The following CNTN4 variants were observed in gnomAD, a reference collection of about 807,000 sequenced individuals.
CNTN4 encodes the protein contactin-4.
CNTN4 carries 77 observed loss-of-function variants against 122.5 expected under a neutral mutation model. That is an observed-to-expected ratio of 0.63 (90% CI 0.52 to 0.76). The LOEUF is 0.76. Ranked by LOEUF, CNTN4 falls within the 30% of genes least tolerant of loss-of-function variation. The probability of loss-of-function intolerance (pLI) is 0.00; values close to 1 mark genes in which losing one functional copy is unlikely to be tolerated. For missense variants in CNTN4, 1,256 were observed against 1,259.1 expected (o/e 1.00, Z 0.04); for synonymous variants, 512 against 447.0 (o/e 1.15, Z -1.83).
chr3:2,544,259 A>C (rs2078150076), intron 3 of CNTN4, among the ~76,000 whole-genome samples: 1 of 152,096 alleles, frequency 6.6e-6, no homozygotes, highest in African/African-American at 2.4e-5. Context: ...TGATGGAGAC[A>C]CGCTCCTCAG....
intron 2 of CNTN4, among the ~76,000 whole-genome samples, chr3:2,170,269 G>C (rs188623536): frequency 1.3e-5 from 2 of 151,796 alleles, no homozygotes; most frequent in Admixed American, 6.6e-5. Context: ...GCAGTGAGCC[G>C]AGATCGCGCC....
At chr3:2,627,931 A>C (rs2082274737) in intron 4 of CNTN4, among the ~76,000 whole-genome samples, 1 of 152,368 alleles carries the variant, frequency 6.6e-6, no homozygotes, top group South Asian at 2.1e-4. Context: ...GTCGTCAAGT[A>C]ATCACAAAAG....
At chr3:2,798,800 T>G (rs892880993) in intron 6 of CNTN4, among the ~76,000 whole-genome samples, 8 of 152,180 alleles carry the variant, frequency 5.3e-5, no homozygotes, top group Non-Finnish European at 1.0e-4. Flanking sequence ...TGTTAGCCAC[T>G]GCACCCAGCT....
chr3:2,110,984 A>G (rs540038151), intron 2 of CNTN4, among the ~76,000 whole-genome samples: 2 of 152,340 alleles, frequency 1.3e-5, no homozygotes, highest in East Asian at 3.9e-4. Flanking sequence ...CTGTAGTACA[A>G]TAAACTTCAT....
intron 3 of CNTN4, among the ~76,000 whole-genome samples, chr3:2,408,866 G>A (rs1015347093): frequency 1.3e-5 from 2 of 152,078 alleles, no homozygotes; most frequent in African/African-American, 4.8e-5. Flanking sequence ...ATGAAACTGA[G>A]GTCATCCCTG....
At chr3:2,592,938 C>A (rs940511755) in intron 4 of CNTN4, among the ~76,000 whole-genome samples, 5 of 152,108 alleles carry the variant, frequency 3.3e-5, no homozygotes, top group African/African-American at 1.2e-4. Flanking sequence ...TTATATTGTA[C>A]TGAGGGTTTC....
chr3:2,720,940 C>A (rs1576566231), intron 4 of CNTN4, among the ~76,000 whole-genome samples: 1 of 152,090 alleles, frequency 6.6e-6, no homozygotes, highest in African/African-American at 2.4e-5. Context: ...GTTTTGACCC[C>A]TATAGCTTAT....
At chr3:3,001,023 T>C (rs1695986041) in intron 14 of CNTN4, among the ~76,000 whole-genome samples, 1 of 152,186 alleles carries the variant, frequency 6.6e-6, no homozygotes, top group African/African-American at 2.4e-5. Context: ...AGTATCCGTT[T>C]TCTATTTAAT....
chr3:2,601,514 T>A (rs2081046514), intron 4 of CNTN4, among the ~76,000 whole-genome samples: 1 of 152,144 alleles, frequency 6.6e-6, no homozygotes, highest in South Asian at 2.1e-4. Context: ...TGGTTATAGA[T>A]GTGTGGTATT....
At chr3:2,562,762 C>T (rs897842542) in intron 3 of CNTN4, among the ~76,000 whole-genome samples, 1 of 151,420 alleles carries the variant, frequency 6.6e-6, no homozygotes, top group Non-Finnish European at 1.5e-5. Flanking sequence ...CTTACACTGT[C>T]ACCCATGCTG....
At chr3:2,815,891 T>TATATATA (rs1559534875) in intron 6 of CNTN4, among the ~76,000 whole-genome samples, 2 of 147,988 alleles carry the variant, frequency 1.4e-5, no homozygotes, top group African/African-American at 5.1e-5. Context: ...TATATATATA[T>TATATATA]GATGGAATAC....
At chr3:2,451,105 T>A (rs932971040) in intron 3 of CNTN4, among the ~76,000 whole-genome samples, 22 of 152,186 alleles carry the variant, frequency 1.4e-4, no homozygotes, top group African/African-American at 5.3e-4. Flanking sequence ...GGTATTTGGT[T>A]TTCTCCTTCA....
chr3:2,466,106 G>A (rs1176841309), intron 3 of CNTN4, among the ~76,000 whole-genome samples: 2 of 152,174 alleles, frequency 1.3e-5, no homozygotes, highest in African/African-American at 2.4e-5. Context: ...TCAGAACATA[G>A]GATGGCCTCA....
At position 2,569,540 on chromosome 3, in the gene CNTN4, TA is replaced by T. The variant is rs532906161; in HGVS notation, c.-88-1875del. On this transcript the variant is annotated intron_variant, in intron 3 of 24. Transcript: ENST00000418658. ...ATTTAAAAATAATATAAATGTAATATATTTTTTTACATGAAAGCTAAAATAA... is the reference window on the plus strand; with the variant it reads ...ATTTAAAAATAATATAAATGTAATATTTTTTTTACATGAAAGCTAAAATAA... Among the ~76,000 whole-genome samples the T allele has an allele frequency of 1.7e-3, 263 of 152,280 alleles. 1 individual carries two copies. The highest frequency in any genetic ancestry group is 5.7e-3 in the African/African-American group (235 of 41,558).
At chr3:3,039,997 A>T (rs762053391) in intron 19 of CNTN4, 40 bp from the exon 20 acceptor site, 44 of 1,390,794 alleles carry the variant, frequency 3.2e-5, no homozygotes, top group Admixed American at 5.0e-5. Flanking sequence ...TTTGAGTGAA[A>T]CTACTGTGAT....
chr3:2,563,110 C>A (rs982598471), intron 3 of CNTN4, among the ~76,000 whole-genome samples: 3 of 151,304 alleles, frequency 2.0e-5, no homozygotes, highest in African/African-American at 7.4e-5. Context: ...TTTAAGAAAT[C>A]TCCAAACTGC....
At chr3:2,278,767 C>T (rs1377191657) in intron 2 of CNTN4, among the ~76,000 whole-genome samples, 2 of 149,690 alleles carry the variant, frequency 1.3e-5, no homozygotes, top group Non-Finnish European at 2.9e-5. Flanking sequence ...TGTAAAATGG[C>T]CATTAAACAC....
At chr3:2,854,770 A>G (rs2093600403) in intron 7 of CNTN4, among the ~76,000 whole-genome samples, 1 of 152,144 alleles carries the variant, frequency 6.6e-6, no homozygotes, top group Non-Finnish European at 1.5e-5. Flanking sequence ...AGTCAGTCAT[A>G]TTACTGCTTG....
chr3:2,263,362 A>G (rs1183453799), intron 2 of CNTN4, among the ~76,000 whole-genome samples: 3 of 152,146 alleles, frequency 2.0e-5, no homozygotes, highest in Admixed American at 6.6e-5. Context: ...CATGTGAAAT[A>G]TGACTCAAAA....
Sources: gnomAD v4.1 joint callset for allele counts (sites outside exome capture counted in the v4.1 genomes callset) on GRCh38, gnomAD v4.1.1 for gene constraint, MANE v1.5 for transcripts, NCBI Gene and HGNC (gene_info 2026-07-23, HGNC 2026-07-21) for gene names.